LARGE1: variants seen among roughly 807,000 people sequenced by gnomAD.
LARGE1 encodes xylosyl- and glucuronyltransferase LARGE1.
A neutral mutation model predicts 87.6 loss-of-function variants in LARGE1; 43 were observed. The ratio of observed to expected loss-of-function variants is 0.49; its 90% CI spans 0.38 to 0.63. The LOEUF (loss-of-function observed/expected upper bound fraction) is 0.63, where lower values mean the gene tolerates loss of function less well. Ranked by LOEUF, LARGE1 falls within the 30% of genes least tolerant of loss-of-function variation. LARGE1 has a pLI of 0.00. For synonymous variants in LARGE1, 434 were observed against 394.6 expected (o/e 1.10, Z -1.18); for missense variants, 802 against 1,000.2 (o/e 0.80, Z 2.67).
chr22:33,252,429 T>C (rs965127958), intron 11 of LARGE1, among the ~76,000 whole-genome samples: 13 of 152,168 alleles, frequency 8.5e-5, no homozygotes, highest in Admixed American at 2.6e-4. Flanking sequence ...ATTTTATTAA[T>C]ACATTCTGTG....
intron 6 of LARGE1, among the ~76,000 whole-genome samples, chr22:33,537,264 G>A (rs542226556): frequency 6.6e-6 from 1 of 152,344 alleles, no homozygotes; most frequent in East Asian, 1.9e-4. Flanking sequence ...TCAAGATGTT[G>A]GCAGGGCTGG....
the LARGE1 span, among the ~76,000 whole-genome samples, chr22:33,145,917 A>G: frequency 3.9e-5 from 6 of 152,142 alleles, no homozygotes; most frequent in African/African-American, 1.4e-4. Context: ...CTGGGTGGCA[A>G]AAGTATGGGG....
At chr22:33,500,786 TG>T (rs978276682) in intron 6 of LARGE1, among the ~76,000 whole-genome samples, 1 of 152,222 alleles carries the variant, frequency 6.6e-6, no homozygotes, top group African/African-American at 2.4e-5. Context: ...TATCAATAAA[TG>T]GAATGGATCA....
the LARGE1 span, among the ~76,000 whole-genome samples, chr22:33,126,854 C>T: frequency 6.6e-6 from 1 of 152,182 alleles, no homozygotes; most frequent in Non-Finnish European, 1.5e-5. Context: ...AATTCTGTCC[C>T]CAAAGATATT....
chr22:33,326,533 C>T (rs527406687), intron 10 of LARGE1, among the ~76,000 whole-genome samples: 1 of 152,308 alleles, frequency 6.6e-6, no homozygotes, highest in Non-Finnish European at 1.5e-5. Flanking sequence ...ATAGGAATAA[C>T]TAATTTCCAT....
intron 11 of LARGE1, among the ~76,000 whole-genome samples, chr22:33,196,481 A>G (rs866201669): frequency 2.0e-5 from 3 of 152,142 alleles, no homozygotes; most frequent in Non-Finnish European, 4.4e-5. Flanking sequence ...ACATATGTCT[A>G]TTAAAAATAA....
intron 1 of LARGE1, among the ~76,000 whole-genome samples, chr22:33,918,210 T>A (rs1399387885): frequency 6.6e-6 from 1 of 152,206 alleles, no homozygotes; most frequent in Non-Finnish European, 1.5e-5. Flanking sequence ...GCCAAAGGAA[T>A]CTGCATTGGC....
At chr22:33,905,723 C>T (rs2065426436) in intron 1 of LARGE1, among the ~76,000 whole-genome samples, 1 of 152,170 alleles carries the variant, frequency 6.6e-6, no homozygotes, top group South Asian at 2.1e-4. Flanking sequence ...AGAAGGACCT[C>T]AACATACCAA....
At chr22:33,275,115 T>A (rs1928962927) in intron 14 of LARGE1, among the ~76,000 whole-genome samples, 1 of 152,128 alleles carries the variant, frequency 6.6e-6, no homozygotes, top group African/African-American at 2.4e-5. Flanking sequence ...AAAACAGGAA[T>A]GAGAGACCAG....
chr22:33,358,069 A>C (rs1365969301), intron 9 of LARGE1, among the ~76,000 whole-genome samples: 2 of 152,212 alleles, frequency 1.3e-5, no homozygotes, highest in African/African-American at 4.8e-5. Flanking sequence ...ACAGGGCAAT[A>C]GTCCCAAAGG....
chr22:33,637,184 G>C (rs1488560929), intron 3 of LARGE1, among the ~76,000 whole-genome samples: 1 of 152,192 alleles, frequency 6.6e-6, no homozygotes, highest in South Asian at 2.1e-4. Context: ...AAAAGACACA[G>C]GAATGAGGAG....
chr22:33,269,048 T>A (rs983271718), downstream of LARGE1, among the ~76,000 whole-genome samples: 10 of 152,218 alleles, frequency 6.6e-5, no homozygotes, highest in Admixed American at 2.6e-4. Flanking sequence ...AACTTCTGAA[T>A]TTAACCCTTG....
rs1386512704 is a variant in LARGE1, at chr22:33,582,760, C to T, written c.616-17741G>A. Among the ~76,000 whole-genome samples the T allele has an allele frequency of 2.0e-5, 3 of 152,226 alleles. No homozygotes were observed. In the East Asian group the frequency reaches 5.8e-4, roughly 29 times the overall value. ...TACTCAGCATTCCCCTGAATACTTC[C>T]ACCAAAGTTCAGACTCTTGGCATCT... is the stretch of plus-strand genomic sequence containing the variant. On this transcript the variant is annotated intron_variant, in intron 5 of 14. Transcript: ENST00000397394.
At chr22:33,818,343 C>T (rs1186772167) in intron 1 of LARGE1, among the ~76,000 whole-genome samples, 1 of 152,170 alleles carries the variant, frequency 6.6e-6, no homozygotes, top group East Asian at 1.9e-4. Flanking sequence ...GACAGGAACC[C>T]TATCAACTCA....
downstream of LARGE1, among the ~76,000 whole-genome samples, chr22:33,160,284 A>C (rs1345189318): frequency 6.6e-6 from 1 of 152,158 alleles, no homozygotes; most frequent in Non-Finnish European, 1.5e-5. Context: ...GTGTATGTTG[A>C]GGACAGTTGG....
At chr22:33,686,874 C>T (rs1455670096) in intron 2 of LARGE1, among the ~76,000 whole-genome samples, 1 of 152,194 alleles carries the variant, frequency 6.6e-6, no homozygotes, top group East Asian at 1.9e-4. Flanking sequence ...ATCTGAAATT[C>T]AAATTTAACA....
chr22:33,719,572 G>A (rs1371509022), intron 2 of LARGE1, among the ~76,000 whole-genome samples: 1 of 151,666 alleles, frequency 6.6e-6, no homozygotes, highest in Non-Finnish European at 1.5e-5. Flanking sequence ...CCAGGCTGGA[G>A]TGTAGTGGCA....
At position 33,497,056 on chromosome 22, in the gene LARGE1, ATTTTC is replaced by A. The variant is rs201692194; in HGVS notation, c.788-64796_788-64792del. 6.8e-3 allele frequency among the ~76,000 whole-genome samples: 966 copies of A among 142,956 alleles called. 8 individuals are homozygous for A. Among genetic ancestry groups the A allele is most frequent in the African/African-American group, 0.023 (879 of 38,322 alleles). 93.8% of individuals were successfully genotyped at this position (142,956 alleles called of 152,430 possible). On this transcript the variant is annotated intron_variant, in intron 6 of 14. Coordinates refer to ENST00000397394, the MANE Select transcript of LARGE1 (RefSeq NM_133642.5). The stretch of plus-strand genomic sequence containing the variant: ...AGGGAAGTTGGAAACTAGTTCTGCT[ATTTTC>A]TTTTCTTTTCTTTTTTTTTTTTTTT...
chr22:33,289,844 C>CT, intron 12 of LARGE1, among the ~76,000 whole-genome samples: 1 of 152,070 alleles, frequency 6.6e-6, no homozygotes, highest in Non-Finnish European at 1.5e-5. Flanking sequence ...TTCTGTATAT[C>CT]TTTTTTCCCC....
Sources: allele counts gnomAD v4.1 joint callset (sites outside exome capture counted in the v4.1 genomes callset), GRCh38; gene constraint gnomAD v4.1.1; transcripts MANE v1.5; gene names NCBI Gene and HGNC (gene_info 2026-07-23, HGNC 2026-07-21).